TNIP1: variants seen among roughly 807,000 people sequenced by gnomAD.
TNIP1 encodes TNFAIP3-interacting protein 1.
Under a neutral mutation model 86.6 loss-of-function variants are expected in TNIP1, and 22 were observed. The observed-to-expected ratio is 0.25, with a 90% CI of 0.18 to 0.36. TNIP1 has a LOEUF of 0.36. Ranked by LOEUF, TNIP1 falls within the 10% of genes least tolerant of loss-of-function variation. The pLI is 1.00. For missense variants in TNIP1, 709 were observed against 820.6 expected (o/e 0.86, Z 1.66); for synonymous variants, 294 against 313.0 (o/e 0.94, Z 0.64).
Position 151,033,617 on chromosome 5 carries a change from G to A in TNIP1, c.1770C>T (p.Leu590=), listed in dbSNP as rs773778622. 8.8e-6 allele frequency: 12 copies of A among 1,368,954 alleles called. No homozygotes were observed. In the South Asian group the frequency reaches 1.0e-4, roughly 12 times the overall value. 84.8% of individuals were successfully genotyped at this position (1,368,954 alleles called of 1,614,324 possible). ...AGGGACACAGACTCACCAGATGGAAGAGGCGCGAGTTGGGGAGTGGGGGCG... is the reference window on the plus strand; with the variant it reads ...AGGGACACAGACTCACCAGATGGAAAAGGCGCGAGTTGGGGAGTGGGGGCG... The part of the protein sequence containing the change: ...EHPPPLPNSR[L]FHLPEYTWRL... Residue 590 remains leucine (L), a synonymous_variant, in exon 16 of 18, where the codon CTC becomes CTT. Transcript: ENST00000521591.
intron 1 of TNIP1, among the ~76,000 whole-genome samples, chr5:151,078,872 C>G (rs951960287): frequency 1.3e-5 from 2 of 152,190 alleles, no homozygotes; most frequent in Non-Finnish European, 2.9e-5. Context: ...AGACAAACAA[C>G]CTCCTACAAC....
Position 151,033,588 on chromosome 5 carries a change from A to G in TNIP1, c.1779+20T>C. The G allele has an allele frequency of 7.6e-7, 1 of 1,316,042 alleles. No individual in the cohort carries two copies. 81.5% of individuals were successfully genotyped at this position (1,316,042 alleles called of 1,614,324 possible). On this transcript the variant is annotated intron_variant, in intron 16 of 17. Transcript: ENST00000521591. The stretch of plus-strand genomic sequence containing the variant: ...CAGCCTCTGTGTGTGCCCTGGAGCA[A>G]GGGAGGGACACAGACTCACCAGATG...
At chr5:151,041,524 C>T (rs1758413181) in intron 11 of TNIP1, among the ~76,000 whole-genome samples, 1 of 152,186 alleles carries the variant, frequency 6.6e-6, no homozygotes, top group African/African-American at 2.4e-5. Flanking sequence ...CACACTGCCA[C>T]ACCCAGTGAA....
In TNIP1 at chr5:151,030,550, A is replaced by G. The variant is rs1756756711; in HGVS notation, c.*163T>C. On this transcript the variant is annotated 3_prime_UTR_variant, in exon 18 of 18. Transcript: ENST00000521591. ...CTGGGTGGAGCCTCCCCAGTCCTGT[A>G]AACAGCTCAGTTCAGGGACTGGTGT... 4 of 1,158,634 alleles carry G rather than the reference A, an allele frequency of 3.5e-6. No homozygotes were observed. Among genetic ancestry groups the G allele is most frequent in the Non-Finnish European group, 5.0e-6 (4 of 804,128 alleles). 71.8% of individuals were successfully genotyped at this position (1,158,634 alleles called of 1,614,324 possible). A position where few individuals can be genotyped will look rare whatever the true frequency, so the allele number is the denominator to read the frequency against.
chr5:151,033,562 G>A, intron 16 of TNIP1, 46 bp downstream of exon 16: 2 of 1,275,972 alleles, frequency 1.6e-6, no homozygotes, highest in African/African-American at 1.5e-5. Flanking sequence ...GGTGTCTGGG[G>A]CAGCCTCTGT....
At position 151,036,890 on chromosome 5, in the gene TNIP1, G is replaced by A. The variant is rs145527698; in HGVS notation, c.1295C>T (p.Pro432Leu). Residue 432 changes from proline (P) to leucine (L), a missense_variant, in exon 13 of 18, where the codon CCG becomes CTG. Physicochemically the swap from Pro to Leu is moderately conservative, Grantham distance 98. Coordinates refer to ENST00000521591, the MANE Select transcript of TNIP1 (RefSeq NM_006058.5). ...AAATGCTGTTGGTGGAGATGATGGC[G>A]GGGTTTGGATGCTCAGTGCTTCCTC... is the stretch of plus-strand genomic sequence containing the variant. The part of the protein sequence containing the change: ...ALEEALSIQT[P>L]PSSPPTAFGS... 38 of 1,612,026 alleles carry A rather than the reference G, an allele frequency of 2.4e-5. No homozygotes were observed. Among genetic ancestry groups the A allele is most frequent in the African/African-American group, 1.7e-4 (13 of 74,734 alleles).
chr5:151,064,179 C>T (rs982066013), intron 2 of TNIP1, among the ~76,000 whole-genome samples: 1 of 152,216 alleles, frequency 6.6e-6, no homozygotes, highest in Admixed American at 6.5e-5. Context: ...CTCTAGGCCT[C>T]CATTTTCCTT....
At chr5:151,059,321 G>A (rs1436083600) in intron 5 of TNIP1, among the ~76,000 whole-genome samples, 1 of 152,200 alleles carries the variant, frequency 6.6e-6, no homozygotes, top group Non-Finnish European at 1.5e-5. Flanking sequence ...GGTTCCAGGC[G>A]ACAGAACATA....
At position 151,030,612 on chromosome 5, in the gene TNIP1, G is replaced by C; in HGVS notation, c.*101C>G. On this transcript the variant is annotated 3_prime_UTR_variant, in exon 18 of 18. Transcript: ENST00000521591. The stretch of plus-strand genomic sequence containing the variant: ...ACCCATCTCAGCCTCTCATCCAGCT[G>C]AGGCTCTGGCCACACCGTGCAAGTG... 6.3e-7 allele frequency: 1 copy of C among 1,586,192 alleles called. No homozygotes were observed. The highest frequency in any genetic ancestry group is 1.1e-5 in the South Asian group (1 of 88,218).
intron 1 of TNIP1, among the ~76,000 whole-genome samples, chr5:151,077,591 C>T (rs1241426316): frequency 1.3e-5 from 2 of 152,220 alleles, no homozygotes; most frequent in African/African-American, 4.8e-5. Context: ...ACAGACACGG[C>T]ACCTACCCAG....
intron 17 of TNIP1, 40 bp from the exon 18 acceptor site, chr5:151,030,787 G>A (rs1308569509): frequency 1.1e-5 from 17 of 1,519,892 alleles, no homozygotes; most frequent in Non-Finnish European, 1.3e-5. Context: ...TGATTATGTG[G>A]TAGAGCGAGT....
At chr5:151,068,641 G>A (rs1024238213) in intron 1 of TNIP1, among the ~76,000 whole-genome samples, 1 of 152,200 alleles carries the variant, frequency 6.6e-6, no homozygotes, top group African/African-American at 2.4e-5. Flanking sequence ...CACGGCACAG[G>A]CAGTGCAGCA....
chr5:151,060,203 G>A, intron 5 of TNIP1, 115 bp downstream of exon 5: 1 of 1,075,592 alleles, frequency 9.3e-7, no homozygotes, highest in Non-Finnish European at 1.4e-6. Context: ...GTATCCCCAA[G>A]TGACTCCAGG....
intron 1 of TNIP1, among the ~76,000 whole-genome samples, chr5:151,079,846 C>A (rs756289886): frequency 6.6e-6 from 1 of 152,092 alleles, no homozygotes; most frequent in Non-Finnish European, 1.5e-5. Flanking sequence ...CTTTTCTGAC[C>A]TCTCATCAGA....
At chr5:151,081,358 G>A (rs993529160), upstream of TNIP1, among the ~76,000 whole-genome samples, 8 of 152,144 alleles carry the variant, frequency 5.3e-5, no homozygotes, top group African/African-American at 1.9e-4. Context: ...GAGCCACAGA[G>A]ACCACCCAGC....
intron 1 of TNIP1, among the ~76,000 whole-genome samples, 190 bp downstream of exon 1, chr5:151,080,690 A>T (rs1286806619): frequency 2.0e-5 from 3 of 152,114 alleles, no homozygotes; most frequent in Non-Finnish European, 4.4e-5. Flanking sequence ...CACCAGGCCC[A>T]GCGCCAAGCA....
chr5:151,068,374 CAG>C (rs1466198513), intron 1 of TNIP1, among the ~76,000 whole-genome samples: 1 of 152,142 alleles, frequency 6.6e-6, no homozygotes, highest in Non-Finnish European at 1.5e-5. Context: ...CTCAGGATGA[CAG>C]AGCTGGAGGG....
At chr5:151,086,618 T>G (rs1234392356) in intron 1 of TNIP1, among the ~76,000 whole-genome samples, 1 of 152,016 alleles carries the variant, frequency 6.6e-6, no homozygotes, top group Non-Finnish European at 1.5e-5. Context: ...GTCACCAACT[T>G]ACACCCACAC....
In TNIP1 at chr5:151,052,176, G is replaced by A. The variant is rs571116046; in HGVS notation, c.711C>T (p.Ala237=). The part of the protein sequence containing the change: ...DKGLEQRDQA[A]ERLREENLEL... ...GGGCCTGAACTTACCGCAGCCTCTCGGCAGCCTGATCCCGCTGTTCCAGGC... is the reference window on the plus strand; with the variant it reads ...GGGCCTGAACTTACCGCAGCCTCTCAGCAGCCTGATCCCGCTGTTCCAGGC... Residue 237 remains alanine (A), a synonymous_variant, in exon 7 of 18, where the codon GCC becomes GCT. Coordinates refer to ENST00000521591, the MANE Select transcript of TNIP1 (RefSeq NM_006058.5). The A allele has an allele frequency of 8.1e-6, 13 of 1,613,796 alleles. No individual in the cohort carries two copies. The highest frequency in any genetic ancestry group is 4.5e-5 in the East Asian group (2 of 44,882).
Sources: allele counts gnomAD v4.1 joint callset (sites outside exome capture counted in the v4.1 genomes callset), GRCh38; gene constraint gnomAD v4.1.1; transcripts MANE v1.5; gene names NCBI Gene and HGNC (gene_info 2026-07-23, HGNC 2026-07-21).